HSD3B2: variants seen among roughly 807,000 people sequenced by gnomAD.
The protein encoded by HSD3B2 is 3 beta-hydroxysteroid dehydrogenase/Delta 5-->4-isomerase type 2.
HSD3B2 carries 8 observed loss-of-function variants against 9.9 expected under a neutral mutation model. The observed-to-expected ratio is 0.81, with a 90% CI of 0.47 to 1.46. The LOEUF (loss-of-function observed/expected upper bound fraction) is 1.46. Among genes scored for constraint, HSD3B2 ranks in the 40% most tolerant of loss-of-function variants. The pLI, the probability that HSD3B2 is intolerant of heterozygous loss-of-function variation, is 0.00. For missense variants in HSD3B2, 410 were observed against 448.3 expected, an observed-to-expected ratio of 0.91 and a Z score of 0.77; for synonymous variants, 221 against 184.5, an observed-to-expected ratio of 1.20 and a Z score of -1.60.
intron 3 of HSD3B2, chr1:119,419,944 TGGCTCCCCG>T (rs1651814452): frequency 3.0e-6 from 1 of 332,662 alleles, no homozygotes; most frequent in South Asian, 2.7e-5. Flanking sequence ...AGCTACTCCT[TGGCTCCCCG>T]GGCCAGAATC....
chr1:119,419,656 G>C, intron 3 of HSD3B2, 74 bp downstream of exon 3: 1 of 1,440,706 alleles, frequency 6.9e-7, no homozygotes, highest in Non-Finnish European at 9.7e-7. Context: ...AAAGGGAAGA[G>C]AAGTCACTCC....
chr1:119,419,699 C>A (rs949406996), intron 3 of HSD3B2, 117 bp downstream of exon 3: 1 of 991,120 alleles, frequency 1.0e-6, no homozygotes, highest in Non-Finnish European at 1.6e-6. Flanking sequence ...GGCCAAGTGC[C>A]TTTGCTGATC....
At chr1:119,416,767 A>G (rs1570817560) in intron 2 of HSD3B2, among the ~76,000 whole-genome samples, 1 of 152,264 alleles carries the variant, frequency 6.6e-6, no homozygotes, top group East Asian at 1.9e-4. Context: ...TAAATGTCCA[A>G]TTTCCTCCAC....
intron 2 of HSD3B2, among the ~76,000 whole-genome samples, chr1:119,418,614 TCTTTTATTATTATTA>T (rs200594574): frequency 0.094 from 13,444 of 142,314 alleles, 683 homozygotes; most frequent in East Asian, 0.15. Context: ...CGTCTGTTTA[TCTTTTATTATTATTA>T]CTATTATTAT....
Position 119,422,629 on chromosome 1 carries a change from T to C in HSD3B2, c.*9T>C. The C allele has an allele frequency of 6.2e-7, 1 of 1,613,526 alleles. No homozygotes were observed. Among genetic ancestry groups the C allele is most frequent in the Non-Finnish European group, 8.5e-7 (1 of 1,179,916 alleles). On this transcript the variant is annotated 3_prime_UTR_variant, in exon 4 of 4. Coordinates refer to ENST00000369416, the MANE Select transcript of HSD3B2 (RefSeq NM_000198.4). ...AGTCCAAGACTCAGTGATTTAAGGATGACAGAGATGTGCATGTGGGTATTG... is the reference window on the plus strand; with the variant it reads ...AGTCCAAGACTCAGTGATTTAAGGACGACAGAGATGTGCATGTGGGTATTG...
intron 3 of HSD3B2, among the ~76,000 whole-genome samples, chr1:119,420,425 C>CA (rs914600090): frequency 3.8e-4 from 56 of 147,258 alleles, no homozygotes; most frequent in South Asian, 8.7e-4. Flanking sequence ...AAAAAACAAA[C>CA]AAAAAAAAAA....
At chr1:119,418,355 T>C (rs587645587) in intron 2 of HSD3B2, among the ~76,000 whole-genome samples, 1 of 152,252 alleles carries the variant, frequency 6.6e-6, no homozygotes, top group Admixed American at 6.5e-5. Flanking sequence ...GTAAGGGTGA[T>C]TTTGTCTCCT....
At chr1:119,421,123 T>C (rs1651844100) in intron 3 of HSD3B2, among the ~76,000 whole-genome samples, 1 of 152,018 alleles carries the variant, frequency 6.6e-6, no homozygotes, top group African/African-American at 2.4e-5. Flanking sequence ...AGCAATTCTA[T>C]GTATATCTAA....
At chr1:119,421,403 GTATATATATATATGTATATATATGTA>G (rs1557869350) in intron 3 of HSD3B2, among the ~76,000 whole-genome samples, 30 of 66,796 alleles carry the variant, frequency 4.5e-4, no homozygotes, top group Admixed American at 5.9e-4. Context: ...ATATATATAT[GTATATATATATATGTATATATATGTA>G]TATATATATA....
At chr1:119,419,698 C>T (rs587646198) in intron 3 of HSD3B2, 116 bp downstream of exon 3, 1 of 1,023,990 alleles carries the variant, frequency 9.8e-7, no homozygotes, top group Non-Finnish European at 1.5e-6. Context: ...TGGCCAAGTG[C>T]CTTTGCTGAT....
chr1:119,422,175 T>C lies in HSD3B2; in HGVS notation c.674T>C (p.Val225Ala), dbSNP rs747532631. ...TTCTCTACAGTCAACCCAGTCTATG[T>C]TGGCAACGTGGCCTGGGCCCACATT... ...GKFSTVNPVYVGNVAWAHILA... is the reference protein window; with the variant it reads ...GKFSTVNPVYAGNVAWAHILA... Residue 225 changes from valine (V) to alanine (A), a missense_variant, in exon 4 of 4, where the codon GTT becomes GCT. By Grantham distance (64) the Val-to-Ala change is moderately conservative. Transcript: ENST00000369416. The C allele has an allele frequency of 9.3e-6, 15 of 1,613,998 alleles. 1 individual carries two copies. The highest frequency in any genetic ancestry group is 2.2e-5 in the South Asian group (2 of 91,080).
Position 119,422,741 on chromosome 1 carries a change from C to A in HSD3B2, c.*121C>A, listed in dbSNP as rs886045198. On this transcript the variant is annotated 3_prime_UTR_variant, in exon 4 of 4. Coordinates refer to ENST00000369416, the MANE Select transcript of HSD3B2 (RefSeq NM_000198.4). Reference sequence around the variant, plus strand: ...CCCAGGTCCTGCTGCCTCTCTTTCACACAATGCCCAACTTACTGTCTTCTT... The same window carrying A: ...CCCAGGTCCTGCTGCCTCTCTTTCAAACAATGCCCAACTTACTGTCTTCTT... 3.6e-5 allele frequency: 41 copies of A among 1,151,600 alleles called. No individual in the cohort carries two copies. The highest frequency in any genetic ancestry group is 4.8e-5 in the Non-Finnish European group (38 of 786,010). 71.3% of individuals were successfully genotyped at this position (1,151,600 alleles called of 1,614,324 possible).
At chr1:119,421,494 AAT>A (rs141535000) in intron 3 of HSD3B2, among the ~76,000 whole-genome samples, 57,103 of 108,298 alleles carry the variant, frequency 0.53, 15,525 homozygotes, top group Non-Finnish European at 0.6. Context: ...TATATTTTAT[AAT>A]ATATATATAT....
chr1:119,420,431 A>C (rs1393627755), intron 3 of HSD3B2, among the ~76,000 whole-genome samples: 2 of 152,176 alleles, frequency 1.3e-5, no homozygotes, highest in Non-Finnish European at 2.9e-5. Flanking sequence ...CAAACAAAAA[A>C]AAAACCTTTC....
chr1:119,419,423 C>T lies in HSD3B2; in HGVS notation c.148C>T (p.Gln50Ter). 1 of 1,613,644 alleles carries T rather than the reference C, an allele frequency of 6.2e-7. No homozygotes were observed. Among genetic ancestry groups the T allele is most frequent in the South Asian group, 1.1e-5 (1 of 91,058 alleles). ...CCTGACCTGTGTTCACACAGAGCTC[C>T]AGAACAGGACCAAGCTGACTGTACT... is the stretch of plus-strand genomic sequence containing the variant. ...PELREEFSKL[Q>*]NRTKLTVLEG... The change falls in exon 3 of 4, where the codon CAG becomes TAG. Residue 50 changes from glutamine to a stop codon, truncating the protein, a stop_gained. Transcript: ENST00000369416. LOFTEE classifies it high-confidence loss of function.
rs1651936648 is a variant in HSD3B2 at position 119,422,913 on chromosome 1, T to G, written c.*293T>G. ...TGGTCTCTCTTAACTTGAGGTTCTC[T>G]TTTGACTAATAGAGCTCCATTTCCC... On this transcript the variant is annotated 3_prime_UTR_variant, in exon 4 of 4. Coordinates refer to ENST00000369416, the MANE Select transcript of HSD3B2 (RefSeq NM_000198.4). 1.9e-6 allele frequency: 1 copy of G among 517,322 alleles called. No individual in the cohort carries two copies. Among genetic ancestry groups the G allele is most frequent in the South Asian group, 2.2e-5 (1 of 45,664 alleles). The allele number at this position is 517,322 out of a possible 1,614,324, so 32.0% of individuals were successfully genotyped here.
At chr1:119,421,584 G>C (rs1353112302) in intron 3 of HSD3B2, among the ~76,000 whole-genome samples, 1 of 149,004 alleles carries the variant, frequency 6.7e-6, no homozygotes, top group Non-Finnish European at 1.5e-5. Context: ...CAAAAGTCTA[G>C]AAATTCTTGC....
Position 119,415,217 on chromosome 1 carries a change from CT to C in HSD3B2, c.-90+19del. 1.7e-6 allele frequency: 1 copy of C among 577,214 alleles called. No individual in the cohort carries two copies. The highest frequency in any genetic ancestry group is 3.1e-5 in the East Asian group (1 of 32,282). 35.8% of individuals were successfully genotyped at this position (577,214 alleles called of 1,614,324 possible). A position where few individuals can be genotyped will look rare whatever the true frequency, so the allele number is the denominator to read the frequency against. ...TCTAAGTTACGGTTAGAGCTTTCTC[CT>C]TTTCTTTCAACTACTCCTGGCAGTT... is the stretch of plus-strand genomic sequence containing the variant. On this transcript the variant is annotated intron_variant, in intron 1 of 3. Coordinates refer to ENST00000369416, the MANE Select transcript of HSD3B2 (RefSeq NM_000198.4).
intron 3 of HSD3B2, chr1:119,419,887 C>T: frequency 2.6e-6 from 1 of 380,448 alleles, no homozygotes. Context: ...TCTACTGTGG[C>T]CCCAATCAAA....
Sources: gnomAD v4.1 joint callset for allele counts (sites outside exome capture counted in the v4.1 genomes callset) on GRCh38, gnomAD v4.1.1 for gene constraint, MANE v1.5 for transcripts, NCBI Gene and HGNC (gene_info 2026-07-23, HGNC 2026-07-21) for gene names.